KDM7A: variants seen among roughly 807,000 people sequenced by gnomAD.
The protein encoded by KDM7A is lysine-specific demethylase 7A.
In KDM7A, 28 loss-of-function variants were observed where a neutral mutation model predicts 114.8. The ratio of observed to expected loss-of-function variants is 0.24; its 90% CI spans 0.18 to 0.33. The LOEUF (loss-of-function observed/expected upper bound fraction) is 0.33, where lower values mean the gene tolerates loss of function less well. Ranked by LOEUF, KDM7A falls within the 10% of genes least tolerant of loss-of-function variation. KDM7A has a pLI of 1.00. For synonymous variants in KDM7A, 423 were observed against 397.8 expected (o/e 1.06, Z -0.75); for missense variants, 942 against 1,142.5 (o/e 0.82, Z 2.53).
At chr7:140,163,087 C>T (rs986379503) in intron 1 of KDM7A, among the ~76,000 whole-genome samples, 2 of 151,418 alleles carry the variant, frequency 1.3e-5, no homozygotes, top group Admixed American at 6.6e-5. Flanking sequence ...CTCCTCCTCC[C>T]GGGTTCACGC....
chr7:140,129,683 A>C, intron 3 of KDM7A, 30 bp from the exon 4 acceptor site: 1 of 1,478,150 alleles, frequency 6.8e-7, no homozygotes, highest in Non-Finnish European at 9.4e-7. Context: ...TAAAAATGTC[A>C]TTTTTATTGG....
intron 1 of KDM7A, among the ~76,000 whole-genome samples, chr7:140,152,097 G>A (rs1794406510): frequency 6.6e-6 from 1 of 152,030 alleles, no homozygotes; most frequent in Admixed American, 6.5e-5. Flanking sequence ...TGCATCTAAG[G>A]GGAATAAACA....
At chr7:140,110,340 T>A (rs1044564222) in intron 11 of KDM7A, among the ~76,000 whole-genome samples, 3 of 152,208 alleles carry the variant, frequency 2.0e-5, no homozygotes, top group Non-Finnish European at 2.9e-5. Context: ...TGTAACACTT[T>A]AAAAACAGAA....
rs1312758910 is a variant in KDM7A, at chr7:140,176,585, C to T, written c.194+159G>A. Among the ~76,000 whole-genome samples the T allele has an allele frequency of 1.4e-5, 2 of 146,300 alleles. No homozygotes were observed. The highest frequency in any genetic ancestry group is 2.1e-4 in the South Asian group (1 of 4,806). On this transcript the variant is annotated intron_variant, in intron 1 of 19. Coordinates refer to ENST00000397560, the MANE Select transcript of KDM7A (RefSeq NM_030647.2). This position sits in a 1 kb window ranked among gnomAD's most constrained non-coding sequence, Gnocchi z 4.4. The stretch of plus-strand genomic sequence containing the variant: ...CCCGCCCGGCGAACCCGGGGCACCG[C>T]GCGCCCCACTGCCCGGCCGGGGGGC...
At chr7:140,146,189 A>G in intron 1 of KDM7A, among the ~76,000 whole-genome samples, 1 of 152,254 alleles carries the variant, frequency 6.6e-6, no homozygotes, top group East Asian at 1.9e-4. Flanking sequence ...AAACTAGTAC[A>G]TCTGAAAAAC....
intron 1 of KDM7A, among the ~76,000 whole-genome samples, chr7:140,169,074 T>C (rs1156842511): frequency 6.6e-6 from 1 of 152,198 alleles, no homozygotes; most frequent in Admixed American, 6.5e-5. Context: ...AGCCCACTAA[T>C]ACCAGACCTT....
chr7:140,127,513 A>C lies in KDM7A; in HGVS notation c.630T>G (p.Tyr210Ter). Residue 210 changes from tyrosine to a stop codon, truncating the protein, a stop_gained, in exon 5 of 20, where the codon TAT becomes TAG. Coordinates refer to ENST00000397560, the MANE Select transcript of KDM7A (RefSeq NM_030647.2). LOFTEE classifies it high-confidence loss of function. ...QADSKMTLHN[Y>*]VKYFMNPNRP... ...TGTTAGGATTCATGAAGTATTTAACATAATTGTGAAGTGTCATTTTGCTGT... is the reference window on the plus strand; with the variant it reads ...TGTTAGGATTCATGAAGTATTTAACCTAATTGTGAAGTGTCATTTTGCTGT... The C allele has an allele frequency of 6.2e-7, 1 of 1,613,728 alleles. No individual in the cohort carries two copies.
chr7:140,157,350 ACAC>A (rs1794468541), intron 1 of KDM7A, among the ~76,000 whole-genome samples: 3 of 152,214 alleles, frequency 2.0e-5, no homozygotes, highest in Non-Finnish European at 4.4e-5. Flanking sequence ...TTATGAGACT[ACAC>A]CATTATGTGA....
At chr7:140,102,665 A>G (rs1818252435) in intron 11 of KDM7A, among the ~76,000 whole-genome samples, 1 of 152,196 alleles carries the variant, frequency 6.6e-6, no homozygotes, top group African/African-American at 2.4e-5. Flanking sequence ...TAAATTAGCC[A>G]CTGCACTGGG....
chr7:140,091,747 T>A, intron 19 of KDM7A, 57 bp downstream of exon 19: 1 of 1,578,452 alleles, frequency 6.3e-7, no homozygotes, highest in Non-Finnish European at 8.7e-7. Flanking sequence ...TCAACTGCCA[T>A]GATGACCATC....
intron 17 of KDM7A, among the ~76,000 whole-genome samples, 161 bp downstream of exon 17, chr7:140,096,394 T>G (rs895567429): frequency 6.6e-6 from 1 of 152,232 alleles, no homozygotes; most frequent in Non-Finnish European, 1.5e-5. Context: ...TGCTTCCATC[T>G]TACGTGATAT....
chr7:140,142,912 AT>A (rs945100790), intron 1 of KDM7A, among the ~76,000 whole-genome samples: 5 of 150,702 alleles, frequency 3.3e-5, no homozygotes, highest in South Asian at 2.1e-4. Flanking sequence ...TAAAAAAAAA[AT>A]CATACAATAA....
intron 11 of KDM7A, among the ~76,000 whole-genome samples, chr7:140,106,589 G>A (rs955114359): frequency 2.6e-5 from 4 of 152,216 alleles, no homozygotes; most frequent in African/African-American, 9.7e-5. Flanking sequence ...CCATGTAGTT[G>A]TGCAGTTTTG....
At chr7:140,174,164 CA>C (rs751602446) in intron 1 of KDM7A, among the ~76,000 whole-genome samples, 12,103 of 86,926 alleles carry the variant, frequency 0.14, 435 homozygotes, top group African/African-American at 0.16. Context: ...ACTCCGTCTC[CA>C]AAAAAAAAAA....
rs1355769054 is a variant in KDM7A at position 140,090,593 on chromosome 7, T to C, written c.*501A>G. 2 of 152,722 alleles carry C rather than the reference T, an allele frequency of 1.3e-5. No individual in the cohort carries two copies. The highest frequency in any genetic ancestry group is 4.8e-5 in the African/African-American group (2 of 41,464). The allele number at this position is 152,722 out of a possible 1,614,324, so 9.5% of individuals were successfully genotyped here. A position where few individuals can be genotyped will look rare whatever the true frequency, so the allele number is the denominator to read the frequency against. ...ATTTAAGAGTCCAGACTAGTTACTG[T>C]TACTGTGGCCCTTCCCCACATGTAA... On this transcript the variant is annotated 3_prime_UTR_variant, in exon 20 of 20. Transcript: ENST00000397560.
At chr7:140,160,700 T>C (rs778810869) in intron 1 of KDM7A, among the ~76,000 whole-genome samples, 2 of 152,132 alleles carry the variant, frequency 1.3e-5, no homozygotes, top group African/African-American at 2.4e-5. Flanking sequence ...AAGAGAATAA[T>C]CAATTGCTTA....
intron 1 of KDM7A, among the ~76,000 whole-genome samples, chr7:140,152,214 C>T (rs888572890): frequency 6.6e-6 from 1 of 152,158 alleles, no homozygotes; most frequent in Non-Finnish European, 1.5e-5. Flanking sequence ...CCTTAGTATG[C>T]TTTTTCATTC....
chr7:140,147,264 C>G (rs745492150), intron 1 of KDM7A, among the ~76,000 whole-genome samples: 1 of 152,138 alleles, frequency 6.6e-6, no homozygotes, highest in African/African-American at 2.4e-5. Flanking sequence ...ATACCAAGTA[C>G]AAGATGATCA....
At chr7:140,162,147 C>G (rs2116850414) in intron 1 of KDM7A, among the ~76,000 whole-genome samples, 1 of 152,144 alleles carries the variant, frequency 6.6e-6, no homozygotes, top group East Asian at 1.9e-4. Context: ...ACCAGCCTGA[C>G]CAACGTGGAG....
Sources: allele counts gnomAD v4.1 joint callset (sites outside exome capture counted in the v4.1 genomes callset), GRCh38; gene constraint gnomAD v4.1.1; non-coding constraint Gnocchi (gnomAD v3.1); transcripts MANE v1.5; gene names NCBI Gene and HGNC (gene_info 2026-07-23, HGNC 2026-07-21).